CSMD1: variants seen among roughly 807,000 people sequenced by gnomAD.
The protein encoded by CSMD1 is CUB and sushi domain-containing protein 1.
In CSMD1, 213 loss-of-function variants were observed where a neutral mutation model predicts 417.5. That is an observed-to-expected ratio of 0.51 (90% confidence interval 0.46 to 0.57). The LOEUF is 0.57. Ranked by LOEUF, CSMD1 falls within the 20% of genes least tolerant of loss-of-function variation. CSMD1 has a pLI of 0.00. For synonymous variants in CSMD1, 2,862 were observed against 1,736.8 expected (o/e 1.65, Z -16.11); for missense variants, 6,923 against 4,529.7 (o/e 1.53, Z -15.17).
rs192141439 is a variant in CSMD1, at chr8:3,233,774, T to A, written c.4154-3543A>T. 2.2e-3 allele frequency among the ~76,000 whole-genome samples: 342 copies of A among 152,332 alleles called. 7 individuals carry two copies. Among genetic ancestry groups the A allele is most frequent in the Non-Finnish European group, 2.2e-4 (15 of 68,038 alleles). On this transcript the variant is annotated intron_variant, in intron 26 of 69. Coordinates refer to ENST00000635120, the MANE Select transcript of CSMD1 (RefSeq NM_033225.6). ...TTCTGGGGAACTTGACTTATGGTAATTCTTTGCATTCTGCTTTGAAGGTAC... is the reference window on the plus strand; with the variant it reads ...TTCTGGGGAACTTGACTTATGGTAAATCTTTGCATTCTGCTTTGAAGGTAC...
chr8:4,068,511 A>G (rs1799376313), intron 3 of CSMD1, among the ~76,000 whole-genome samples: 1 of 152,260 alleles, frequency 6.6e-6, no homozygotes, highest in African/African-American at 2.4e-5. Flanking sequence ...AAACAGGTTT[A>G]GTTTTTACGA....
intron 57 of CSMD1, among the ~76,000 whole-genome samples, chr8:2,969,695 C>A (rs1353633985): frequency 6.6e-6 from 1 of 152,174 alleles, no homozygotes; most frequent in Non-Finnish European, 1.5e-5. Flanking sequence ...CCACTGGTTA[C>A]ATCCTTTTTC....
At chr8:4,532,099 C>A (rs914635448) in intron 2 of CSMD1, among the ~76,000 whole-genome samples, 33 of 146,514 alleles carry the variant, frequency 2.3e-4, no homozygotes, top group Admixed American at 5.5e-4. Flanking sequence ...GAAGAGAAAT[C>A]CTGCACCGCC....
chr8:4,349,367 T>C (rs915384774), intron 3 of CSMD1, among the ~76,000 whole-genome samples: 5 of 152,220 alleles, frequency 3.3e-5, no homozygotes, highest in African/African-American at 1.2e-4. Flanking sequence ...TTTTACATTT[T>C]TCTTAAAGCA....
intron 3 of CSMD1, among the ~76,000 whole-genome samples, chr8:4,248,172 TTGAAGCCCTGGAAATTTCATGACA>T (rs1802825502): frequency 6.6e-6 from 1 of 152,186 alleles, no homozygotes; most frequent in South Asian, 2.1e-4. Flanking sequence ...GCTTTGAAAC[TTGAAGCCCTGGAAATTTCATGACA>T]TGACATGACA....
chr8:3,523,108 A>G (rs1161468614), intron 10 of CSMD1, among the ~76,000 whole-genome samples: 2 of 151,910 alleles, frequency 1.3e-5, no homozygotes, highest in East Asian at 3.9e-4. Flanking sequence ...TTATAGTTAC[A>G]TCTGCACATT....
chr8:4,149,811 T>A (rs1414733571), intron 3 of CSMD1, among the ~76,000 whole-genome samples: 1 of 152,218 alleles, frequency 6.6e-6, no homozygotes, highest in Non-Finnish European at 1.5e-5. Flanking sequence ...GAATTTCCTA[T>A]TAAAATACCA....
chr8:3,929,158 G>A (rs1376249561), intron 5 of CSMD1, among the ~76,000 whole-genome samples: 5 of 150,150 alleles, frequency 3.3e-5, no homozygotes, highest in African/African-American at 1.2e-4. Flanking sequence ...CCTCTGGAAG[G>A]ATACACTTAA....
At chr8:4,021,304 G>A (rs940752203) in intron 4 of CSMD1, among the ~76,000 whole-genome samples, 3 of 152,164 alleles carry the variant, frequency 2.0e-5, no homozygotes, top group African/African-American at 7.2e-5. Context: ...GAAGTATGAG[G>A]TTGACAAAAT....
chr8:4,636,803 G>T (rs537967007), intron 2 of CSMD1, among the ~76,000 whole-genome samples: 2 of 152,144 alleles, frequency 1.3e-5, no homozygotes, highest in Non-Finnish European at 2.9e-5. Flanking sequence ...TTCTGGTAAT[G>T]AGGGGTGAAG....
chr8:4,261,670 A>G (rs547586296), intron 3 of CSMD1, among the ~76,000 whole-genome samples: 7 of 152,246 alleles, frequency 4.6e-5, no homozygotes, highest in African/African-American at 1.7e-4. Flanking sequence ...TCGGCCTCCC[A>G]AAATGCTGGG....
At chr8:3,969,379 A>G (rs1295162421) in intron 5 of CSMD1, among the ~76,000 whole-genome samples, 1 of 152,158 alleles carries the variant, frequency 6.6e-6, no homozygotes, top group Non-Finnish European at 1.5e-5. Flanking sequence ...AAGCTGAAAA[A>G]CATTGCTCCA....
chr8:4,717,310 C>CATAT (rs377764710), intron 1 of CSMD1, among the ~76,000 whole-genome samples: 2,818 of 137,112 alleles, frequency 0.021, 184 homozygotes, highest in African/African-American at 0.077. Flanking sequence ...TCTCTCTCTC[C>CATAT]ATATATATAT....
At chr8:3,098,708 A>C (rs11782360) in intron 46 of CSMD1, among the ~76,000 whole-genome samples, 18,556 of 152,132 alleles carry the variant, frequency 0.12, 1,381 homozygotes, top group Non-Finnish European at 0.17. Flanking sequence ...AGAAAGAAAA[A>C]ATAATGAAAT....
At chr8:4,476,009 T>C (rs1800784927) in intron 2 of CSMD1, among the ~76,000 whole-genome samples, 1 of 152,162 alleles carries the variant, frequency 6.6e-6, no homozygotes, top group Admixed American at 6.5e-5. Flanking sequence ...TTTCCGTAAT[T>C]AATCAGCAGA....
At chr8:4,243,111 T>A (rs1034027315) in intron 3 of CSMD1, among the ~76,000 whole-genome samples, 12 of 152,106 alleles carry the variant, frequency 7.9e-5, no homozygotes, top group African/African-American at 2.9e-4. Flanking sequence ...ACATGTTCAC[T>A]GTGGAAAATC....
At chr8:4,522,669 C>T (rs368237633) in intron 2 of CSMD1, among the ~76,000 whole-genome samples, 4 of 152,212 alleles carry the variant, frequency 2.6e-5, no homozygotes, top group South Asian at 4.1e-4. Context: ...GTCCGCAGCC[C>T]GTCTTGCTGT....
Position 4,836,422 on chromosome 8 carries a change from G to A in CSMD1, c.85+157910C>T, listed in dbSNP as rs1323986930. Among the ~76,000 whole-genome samples the A allele has an allele frequency of 2.6e-5, 4 of 152,136 alleles. No individual in the cohort carries two copies. In the East Asian group the frequency reaches 7.7e-4, roughly 29 times the overall value. On this transcript the variant is annotated intron_variant, in intron 1 of 69. Coordinates refer to ENST00000635120, the MANE Select transcript of CSMD1 (RefSeq NM_033225.6). ...AGCTGGGATTGTTATCACCAGCCAG[G>A]GGGAAGAGATTTGTCCAAATTCTCC...
chr8:4,380,206 A>C (rs1803013043), intron 3 of CSMD1, among the ~76,000 whole-genome samples: 1 of 152,156 alleles, frequency 6.6e-6, no homozygotes, highest in South Asian at 2.1e-4. Context: ...TTCTTTCCAG[A>C]CTACAGTATG....
Sources: gnomAD v4.1 joint callset for allele counts (sites outside exome capture counted in the v4.1 genomes callset) on GRCh38, gnomAD v4.1.1 for gene constraint, MANE v1.5 for transcripts, NCBI Gene and HGNC (gene_info 2026-07-23, HGNC 2026-07-21) for gene names.